Variants in ARHGEF12 observed in about 807,000 individuals in gnomAD.
ARHGEF12 encodes the protein KMT2A/ARHGEF12 fusion protein.
A neutral mutation model predicts 211.2 loss-of-function variants in ARHGEF12; 66 were observed. That is an observed-to-expected ratio of 0.31 (90% CI 0.26 to 0.38). The LOEUF is 0.38. Ranked by LOEUF, ARHGEF12 falls within the 10% of genes least tolerant of loss-of-function variation. The pLI is 1.00. For missense variants in ARHGEF12, 1,429 were observed against 1,869.5 expected, an observed-to-expected ratio of 0.76 and a Z score of 4.34; for synonymous variants, 592 against 638.4, an observed-to-expected ratio of 0.93 and a Z score of 1.09.
At chr11:120,392,272 G>T (rs1018593568) in intron 1 of ARHGEF12, among the ~76,000 whole-genome samples, 2 of 152,088 alleles carry the variant, frequency 1.3e-5, no homozygotes, top group Non-Finnish European at 2.9e-5. Context: ...CTTCATTTAA[G>T]TCTCAGCTTA....
intron 28 of ARHGEF12, 41 bp downstream of exon 28, chr11:120,465,403 T>G (rs1451261942): frequency 1.2e-6 from 2 of 1,609,322 alleles, no homozygotes; most frequent in South Asian, 1.1e-5. Flanking sequence ...ATAAGGCAAG[T>G]TTTTATCAAT....
At chr11:120,453,190 C>T (rs2013599615) in intron 22 of ARHGEF12, among the ~76,000 whole-genome samples, 1 of 151,960 alleles carries the variant, frequency 6.6e-6, no homozygotes, top group South Asian at 2.1e-4. Context: ...TACATAAGGC[C>T]AAGAAGTACA....
rs144150716 is a variant in ARHGEF12 at position 120,429,251 on chromosome 11, G to A, written c.586-189G>A. 9.2e-3 allele frequency among the ~76,000 whole-genome samples: 1,408 copies of A among 152,290 alleles called. 11 individuals are homozygous for A. Among genetic ancestry groups the A allele is most frequent in the Non-Finnish European group, 0.015 (1,007 of 68,020 alleles). Reference sequence around the variant, plus strand: ...TTAGTAAAAATGAAATAGAAGGGCAGACATTTCCTTGTAGTTTCTTGTAAG... The same window carrying A: ...TTAGTAAAAATGAAATAGAAGGGCAAACATTTCCTTGTAGTTTCTTGTAAG... On this transcript the variant is annotated intron_variant, in intron 8 of 40. Transcript: ENST00000397843.
intron 31 of ARHGEF12, 46 bp downstream of exon 31, chr11:120,473,173 C>T: frequency 1.3e-6 from 2 of 1,558,974 alleles, no homozygotes; most frequent in East Asian, 2.3e-5. Flanking sequence ...ATAAAATTTG[C>T]TAAAGACCTG....
chr11:120,465,003 CA>C (rs141433804), intron 27 of ARHGEF12: 161 of 476,586 alleles, frequency 3.4e-4, no homozygotes, highest in East Asian at 3.2e-3. Flanking sequence ...AACACTGTCT[CA>C]AAAAAAAGAA....
At chr11:120,392,735 C>T (rs1434231570) in intron 1 of ARHGEF12, among the ~76,000 whole-genome samples, 1 of 152,190 alleles carries the variant, frequency 6.6e-6, no homozygotes, top group Non-Finnish European at 1.5e-5. Context: ...TGCGAAGTAG[C>T]TGTTAAGGCT....
chr11:120,370,626 G>C (rs1454239196), intron 1 of ARHGEF12, among the ~76,000 whole-genome samples: 1 of 152,070 alleles, frequency 6.6e-6, no homozygotes, highest in Non-Finnish European at 1.5e-5. Context: ...AGAAATTCCA[G>C]ATATTCCCTT....
chr11:120,431,509 A>G (rs2135728611), intron 10 of ARHGEF12, among the ~76,000 whole-genome samples: 1 of 152,248 alleles, frequency 6.6e-6, no homozygotes, highest in Non-Finnish European at 1.5e-5. Flanking sequence ...TCTTTTTGCT[A>G]TATTTAGAAG....
chr11:120,461,773 C>G (rs1946542798), intron 27 of ARHGEF12, among the ~76,000 whole-genome samples: 1 of 152,210 alleles, frequency 6.6e-6, no homozygotes, highest in Admixed American at 6.5e-5. Flanking sequence ...ACTGCTATAT[C>G]AGCACTTGCT....
intron 11 of ARHGEF12, among the ~76,000 whole-genome samples, chr11:120,433,682 G>A (rs1268058763): frequency 3.3e-5 from 5 of 152,156 alleles, no homozygotes; most frequent in African/African-American, 7.2e-5. Flanking sequence ...TTGGCTGGGC[G>A]CCGTGGATCA....
intron 38 of ARHGEF12, among the ~76,000 whole-genome samples, chr11:120,480,644 G>A (rs11217888): frequency 1.3e-5 from 2 of 152,212 alleles, no homozygotes; most frequent in Admixed American, 1.3e-4. Context: ...ATAAAACACA[G>A]AAAAATCCCA....
chr11:120,475,613 T>G, intron 33 of ARHGEF12, 106 bp downstream of exon 33: 1 of 1,197,074 alleles, frequency 8.4e-7, no homozygotes, highest in Non-Finnish European at 1.2e-6. Flanking sequence ...CTTGCTATTT[T>G]TATATTCTTA....
At chr11:120,470,429 G>C (rs1372444948) in intron 30 of ARHGEF12, among the ~76,000 whole-genome samples, 1 of 152,222 alleles carries the variant, frequency 6.6e-6, no homozygotes, top group Non-Finnish European at 1.5e-5. Context: ...TGCATATTTG[G>C]ATGGACAGGA....
At chr11:120,341,205 C>A (rs1181045923) in intron 1 of ARHGEF12, among the ~76,000 whole-genome samples, 2 of 123,656 alleles carry the variant, frequency 1.6e-5, no homozygotes, top group African/African-American at 6.5e-5. Flanking sequence ...TTACAGGCAC[C>A]CACCACCACG....
rs997883822 is a variant in ARHGEF12, at chr11:120,485,875, G to A, written c.*798G>A. On this transcript the variant is annotated 3_prime_UTR_variant, in exon 41 of 41. Transcript: ENST00000397843. ...AATGGGTGTGTTTTCTTCCATTGTC[G>A]TCTTTTCTATTGAGGGTTGGGATTT... The A allele has an allele frequency of 1.6e-4, 38 of 232,782 alleles. No homozygotes were observed. The highest frequency in any genetic ancestry group is 4.9e-4 in the African/African-American group (22 of 45,292). The allele number at this position is 232,782 out of a possible 1,614,324, so 14.4% of individuals were successfully genotyped here.
At chr11:120,358,877 G>A (rs1400004794) in intron 1 of ARHGEF12, among the ~76,000 whole-genome samples, 1 of 152,192 alleles carries the variant, frequency 6.6e-6, no homozygotes, top group Non-Finnish European at 1.5e-5. Context: ...TGCAGTCCAG[G>A]TGTCTGCAAC....
At chr11:120,456,909 G>T in intron 22 of ARHGEF12, 1 of 473,406 alleles carries the variant, frequency 2.1e-6, no homozygotes, top group Non-Finnish European at 3.7e-6. Context: ...GAGATGGAAG[G>T]ATCATATGAG....
At position 120,367,353 on chromosome 11, in the gene ARHGEF12, C is replaced by CTTTTTTTTTTTTTTTTTTT. The variant is rs1025919456; in HGVS notation, c.32+30090_32+30108dup. 1.6e-3 allele frequency among the ~76,000 whole-genome samples: 97 copies of CTTTTTTTTTTTTTTTTTTT among 59,352 alleles called. 24 individuals are homozygous for CTTTTTTTTTTTTTTTTTTT. Among genetic ancestry groups the CTTTTTTTTTTTTTTTTTTT allele is most frequent in the African/African-American group, 4.2e-3 (54 of 12,950 alleles). The allele number at this position is 59,352 out of a possible 152,430, so 38.9% of individuals were successfully genotyped here. A position where few individuals can be genotyped will look rare whatever the true frequency, so the allele number is the denominator to read the frequency against. On this transcript the variant is annotated intron_variant, in intron 1 of 40. Transcript: ENST00000397843. ...AAAAAATCTGTTAGGATACTTTTTC[C>CTTTTTTTTTTTTTTTTTTT]TTTTTTTTTTTTTTTTTTTTTTTTT... is the stretch of plus-strand genomic sequence containing the variant.
chr11:120,345,857 G>C (rs1942703734), intron 1 of ARHGEF12, among the ~76,000 whole-genome samples: 1 of 151,668 alleles, frequency 6.6e-6, no homozygotes, highest in Non-Finnish European at 1.5e-5. Flanking sequence ...GTTCTTCAAG[G>C]GTATAAGAAT....
Sources: allele counts gnomAD v4.1 joint callset (sites outside exome capture counted in the v4.1 genomes callset), GRCh38; gene constraint gnomAD v4.1.1; transcripts MANE v1.5; gene names NCBI Gene and HGNC (gene_info 2026-07-23, HGNC 2026-07-21).